Variants in ZNF605 observed in about 807,000 individuals in gnomAD.
ZNF605 encodes zinc finger protein 605.
In ZNF605, 9 loss-of-function variants were observed where a neutral mutation model predicts 7.9. The ratio of observed to expected loss-of-function variants is 1.14; its 90% CI spans 0.68 to 1.98. The LOEUF (loss-of-function observed/expected upper bound fraction) is 1.98, where lower values mean the gene tolerates loss of function less well. Among genes scored for constraint, ZNF605 ranks in the 30% most tolerant of loss-of-function variants. The pLI is 0.00. For missense variants in ZNF605, 673 were observed against 762.4 expected, an observed-to-expected ratio of 0.88 and a Z score of 1.38; for synonymous variants, 255 against 260.1, an observed-to-expected ratio of 0.98 and a Z score of 0.19.
rs985139362 is a variant in ZNF605, at chr12:132,941,610, T to G, written c.15+4011A>C. On this transcript the variant is annotated intron_variant, in intron 3 of 4. Coordinates refer to ENST00000360187, the MANE Select transcript of ZNF605 (RefSeq NM_183238.4). The surrounding 1 kb of genome is among the most constrained non-coding windows in gnomAD (Gnocchi z 5.1). Reference sequence around the variant, plus strand: ...CGAGCAACAGGGTAACTGACTGTTGTAACGGACAGCTTCGGTGGCTGCTGG... The same window carrying G: ...CGAGCAACAGGGTAACTGACTGTTGGAACGGACAGCTTCGGTGGCTGCTGG... 9.2e-5 allele frequency among the ~76,000 whole-genome samples: 14 copies of G among 152,330 alleles called. No homozygotes were observed. The highest frequency in any genetic ancestry group is 3.3e-4 in the Admixed American group (5 of 15,302).
chr12:132,945,207 GC>G, intron 3 of ZNF605: 1 of 581,222 alleles, frequency 1.7e-6, no homozygotes, highest in East Asian at 2.9e-5. Flanking sequence ...CAAATGATCT[GC>G]CCTCCTCGGC....
rs200154592 is a variant in ZNF605 at position 132,925,243 on chromosome 12, T to G, written c.*130A>C. ...TTTCTAAATTCTGCTTAGTGACTCT[T>G]GACTCCTCAATTCAAGCTTTTTCAA... is the stretch of plus-strand genomic sequence containing the variant. On this transcript the variant is annotated 3_prime_UTR_variant, in exon 5 of 5. Transcript: ENST00000360187. 5 of 418,188 alleles carry G rather than the reference T, an allele frequency of 1.2e-5. No homozygotes were observed. In the South Asian group the frequency reaches 2.2e-4, roughly 19 times the overall value. The allele number at this position is 418,188 out of a possible 1,614,324, so 25.9% of individuals were successfully genotyped here.
At chr12:132,929,833 T>C (rs1952288908) in intron 4 of ZNF605, among the ~76,000 whole-genome samples, 2 of 152,092 alleles carry the variant, frequency 1.3e-5, no homozygotes, top group South Asian at 4.1e-4. Context: ...TAATCCCAGA[T>C]ACTTGGGAGG....
rs955710252 is a variant in ZNF605, at chr12:132,926,537, T to C, written c.762A>G (p.Gly254=). ...TGAAGGCTTTTCCACATTCACTGCA[T>C]CCATACGGCTTCTCTCCAGTATGAA... ...QRIHTGEKPY[G]CSECGKAFSR... is the part of the protein sequence containing the mutation. Residue 254 remains glycine, a synonymous_variant, in exon 5 of 5, where the codon GGA becomes GGG. Transcript: ENST00000360187. 1 of 1,614,220 alleles carries C rather than the reference T, an allele frequency of 6.2e-7. No individual in the cohort carries two copies.
At position 132,924,292 on chromosome 12, in the gene ZNF605, G is replaced by T. The variant is rs541153724; in HGVS notation, c.*1081C>A. On this transcript the variant is annotated 3_prime_UTR_variant, in exon 5 of 5. Coordinates refer to ENST00000360187, the MANE Select transcript of ZNF605 (RefSeq NM_183238.4). ...CACTACTAAAACAAAACCTTTCTGAGAATTCTACCTGATGCTCCATGTGTT... is the reference window on the plus strand; with the variant it reads ...CACTACTAAAACAAAACCTTTCTGATAATTCTACCTGATGCTCCATGTGTT... 2.6e-4 allele frequency: 39 copies of T among 152,306 alleles called. No homozygotes were observed. Among genetic ancestry groups the T allele is most frequent in the African/African-American group, 8.9e-4 (37 of 41,554 alleles). 9.4% of individuals were successfully genotyped at this position (152,306 alleles called of 1,614,324 possible).
At chr12:132,945,485 G>T in intron 3 of ZNF605, 136 bp downstream of exon 3, 1 of 551,000 alleles carries the variant, frequency 1.8e-6, no homozygotes. Flanking sequence ...ACCTGTGACT[G>T]GATCATTTTC....
At chr12:132,950,690 TAC>T (rs1287402281) in intron 1 of ZNF605, among the ~76,000 whole-genome samples, 1 of 146,424 alleles carries the variant, frequency 6.8e-6, no homozygotes, top group Non-Finnish European at 1.5e-5. Context: ...ACACACACAG[TAC>T]ACACAGACAT....
chr12:132,952,402 A>G (rs1439527190), intron 1 of ZNF605, among the ~76,000 whole-genome samples: 2 of 148,508 alleles, frequency 1.3e-5, no homozygotes, highest in Admixed American at 1.4e-4. Context: ...TGGAGGTTGC[A>G]GTGAGCTGAG....
intron 1 of ZNF605, among the ~76,000 whole-genome samples, chr12:132,948,918 G>A (rs1952526303): frequency 2.0e-5 from 3 of 152,308 alleles, no homozygotes; most frequent in South Asian, 4.1e-4. Context: ...TGTAGCTCAC[G>A]CCTGGCACCT....
chr12:132,930,424 G>C (rs1040851686), intron 4 of ZNF605, among the ~76,000 whole-genome samples: 1 of 152,044 alleles, frequency 6.6e-6, no homozygotes, highest in South Asian at 2.1e-4. Context: ...CCTCTTACTC[G>C]TGTCTCTCCC....
intron 2 of ZNF605, among the ~76,000 whole-genome samples, 180 bp from the exon 3 acceptor site, chr12:132,945,977 C>T (rs929472885): frequency 1.3e-5 from 2 of 152,238 alleles, no homozygotes; most frequent in East Asian, 1.9e-4. Flanking sequence ...ACGTCTCCGT[C>T]GGGTCTGACC....
At chr12:132,945,881 G>C (rs1952490192) in intron 2 of ZNF605, 84 bp from the exon 3 acceptor site, 1 of 623,648 alleles carries the variant, frequency 1.6e-6, no homozygotes, top group African/African-American at 1.8e-5. Flanking sequence ...TGGGAGCTCA[G>C]ATTATTTAAA....
rs970405742 is a variant in ZNF605, at chr12:132,941,963, G to A, written c.15+3658C>T. Among the ~76,000 whole-genome samples, 2 of 152,196 alleles carry A rather than the reference G, an allele frequency of 1.3e-5. No individual in the cohort carries two copies. The highest frequency in any genetic ancestry group is 2.4e-5 in the African/African-American group (1 of 41,442). On this transcript the variant is annotated intron_variant, in intron 3 of 4. Coordinates refer to ENST00000360187, the MANE Select transcript of ZNF605 (RefSeq NM_183238.4). The surrounding 1 kb of genome is among the most constrained non-coding windows in gnomAD (Gnocchi z 5.1). ...CCCCTTTCTGAAGCCTCAAATAGAC[G>A]GGAGATATGTAAACCTATTTTTAAA...
rs983431567 is a variant in ZNF605 at position 132,927,041 on chromosome 12, A to G, written c.258T>C (p.Val86=). 1 of 1,608,350 alleles carries G rather than the reference A, an allele frequency of 6.2e-7. No homozygotes were observed. ...ATTTATGGGATCGCAGTCCTACATG[A>G]ACAATGTTTATGCTTGAATTAAATA... ...GKIFNSSINI[V]HVGLRSHKCG... Residue 86 remains valine (V), a synonymous_variant, in exon 5 of 5, where the codon GTT becomes GTC. Transcript: ENST00000360187.
At position 132,926,756 on chromosome 12, in the gene ZNF605, C is replaced by T; in HGVS notation, c.543G>A (p.Lys181=). Residue 181 remains lysine (K), a synonymous_variant, in exon 5 of 5, where the codon AAG becomes AAA. Coordinates refer to ENST00000360187, the MANE Select transcript of ZNF605 (RefSeq NM_183238.4). Reference sequence around the variant, plus strand: ...TTCTCTGGTGTATAACAAGTTGTGACTTCTTGTTAAAAAATCTGCCACATT... The same window carrying T: ...TTCTCTGGTGTATAACAAGTTGTGATTTCTTGTTAAAAAATCTGCCACATT... ...CMECGRFFNK[K]SQLVIHQRTH... 1 of 1,613,856 alleles carries T rather than the reference C, an allele frequency of 6.2e-7. No homozygotes were observed. The highest frequency in any genetic ancestry group is 8.5e-7 in the Non-Finnish European group (1 of 1,179,776).
intron 4 of ZNF605, chr12:132,932,785 C>CA: frequency 6.5e-7 from 1 of 1,536,422 alleles, no homozygotes; most frequent in Non-Finnish European, 8.7e-7. Context: ...AACATTGCAT[C>CA]AGGTTTGAGA....
chr12:132,931,999 C>A (rs924782350), intron 4 of ZNF605, among the ~76,000 whole-genome samples: 1 of 152,240 alleles, frequency 6.6e-6, no homozygotes, highest in Non-Finnish European at 1.5e-5. Flanking sequence ...CCATGGCACA[C>A]TGCAGCTTCC....
rs1381215236 is a variant in ZNF605 at position 132,926,176 on chromosome 12, T to G, written c.1123A>C (p.Ile375Leu). ...YECNECGEAF[I>L]RKPQLIKHQI... The stretch of plus-strand genomic sequence containing the variant: ...TGTTTAATCAGCTGTGGTTTTCTGA[T>G]GAAGGCTTCACCACATTCGTTGCAT... Residue 375 changes from isoleucine (I) to leucine (L), a missense_variant, in exon 5 of 5, where the codon ATC (isoleucine) becomes CTC (leucine). Coordinates refer to ENST00000360187, the MANE Select transcript of ZNF605 (RefSeq NM_183238.4). 8 of 1,614,056 alleles carry G rather than the reference T, an allele frequency of 5.0e-6. No individual in the cohort carries two copies. Among genetic ancestry groups the G allele is most frequent in the African/African-American group, 1.3e-5 (1 of 74,924 alleles).
chr12:132,927,782 G>C (rs1209189914), intron 4 of ZNF605, among the ~76,000 whole-genome samples: 1 of 151,960 alleles, frequency 6.6e-6, no homozygotes. Flanking sequence ...TCAGCCTCCT[G>C]AGTAGCTGAG....
Sources: allele counts gnomAD v4.1 joint callset (sites outside exome capture counted in the v4.1 genomes callset), GRCh38; gene constraint gnomAD v4.1.1; non-coding constraint Gnocchi (gnomAD v3.1); transcripts MANE v1.5; gene names NCBI Gene and HGNC (gene_info 2026-07-23, HGNC 2026-07-21).